Variants in OTUD7A observed in about 807,000 individuals in gnomAD.
OTUD7A encodes OTU deubiquitinase 7A, also known as OTU domain-containing protein 7A.
A neutral mutation model predicts 65.7 loss-of-function variants in OTUD7A; 12 were observed. That is an observed-to-expected ratio of 0.18 (90% CI 0.12 to 0.30). The LOEUF is 0.30. Among genes scored for constraint, OTUD7A ranks in the 10% least tolerant of loss-of-function variants. The pLI is 1.00. For missense variants in OTUD7A, 1,148 were observed against 1,304.8 expected (o/e 0.88, Z 1.85); for synonymous variants, 641 against 586.3 (o/e 1.09, Z -1.35).
intron 1 of OTUD7A, among the ~76,000 whole-genome samples, chr15:31,775,049 C>G (rs1454047938): frequency 1.3e-5 from 2 of 151,440 alleles, no homozygotes; most frequent in Non-Finnish European, 2.9e-5. Flanking sequence ...TCTCCTCTGA[C>G]CTATGCATGC....
At chr15:31,672,568 A>C (rs577381626) in intron 1 of OTUD7A, among the ~76,000 whole-genome samples, 1 of 152,274 alleles carries the variant, frequency 6.6e-6, no homozygotes, top group South Asian at 2.1e-4. Context: ...GTTTAGTTCC[A>C]CTTTACTAAA....
chr15:31,786,152 C>T lies in OTUD7A; in HGVS notation c.-100+84355G>A, dbSNP rs1391854624. Among the ~76,000 whole-genome samples the T allele has an allele frequency of 2.0e-5, 3 of 152,126 alleles. No individual in the cohort carries two copies. In the East Asian group the frequency reaches 5.8e-4, roughly 29 times the overall value. ...GCAGAGTCCCCACCAGCAAGAAGGGCCTCACCAGATGCAGCTCTTCAACCT... is the reference window on the plus strand; with the variant it reads ...GCAGAGTCCCCACCAGCAAGAAGGGTCTCACCAGATGCAGCTCTTCAACCT... On this transcript the variant is annotated intron_variant, in intron 1 of 12. Coordinates refer to ENST00000307050, the MANE Select transcript of OTUD7A (RefSeq NM_001382637.1).
At chr15:31,497,781 C>T (rs1483600556) in intron 10 of OTUD7A, among the ~76,000 whole-genome samples, 3 of 152,186 alleles carry the variant, frequency 2.0e-5, no homozygotes, top group South Asian at 2.1e-4. Context: ...CATCCACCCT[C>T]CCAACCCTTC....
intron 3 of OTUD7A, among the ~76,000 whole-genome samples, chr15:31,600,328 A>G (rs1890036808): frequency 6.7e-6 from 1 of 149,916 alleles, no homozygotes; most frequent in African/African-American, 2.4e-5. Context: ...ACCCTACTCA[A>G]CACAACCCAG....
chr15:31,650,999 G>A (rs1488415516), intron 3 of OTUD7A, among the ~76,000 whole-genome samples: 1 of 147,324 alleles, frequency 6.8e-6, no homozygotes, highest in Non-Finnish European at 1.5e-5. Flanking sequence ...GAAGTAGTCA[G>A]TCAGTTCATA....
intron 1 of OTUD7A, among the ~76,000 whole-genome samples, chr15:31,779,415 C>T (rs1895477218): frequency 6.6e-6 from 1 of 152,236 alleles, no homozygotes; most frequent in African/African-American, 2.4e-5. Flanking sequence ...GGAGACACCT[C>T]TGTTTCTCAC....
At chr15:31,694,534 C>A (rs1300370246) in intron 1 of OTUD7A, among the ~76,000 whole-genome samples, 1 of 152,166 alleles carries the variant, frequency 6.6e-6, no homozygotes, top group African/African-American at 2.4e-5. Context: ...ACAATAGTTA[C>A]CATGTTATAA....
chr15:31,484,534 G>A lies in OTUD7A; in HGVS notation c.1562C>T (p.Ala521Val). ...EKDKTRADSV[A>V]NKLGSFSKTL... Reference sequence around the variant, plus strand: ...CTTGCTGAAGCTGCCCAGCTTGTTGGCCACGGAGTCGGCGCGCGTCTTGTC... The same window carrying A: ...CTTGCTGAAGCTGCCCAGCTTGTTGACCACGGAGTCGGCGCGCGTCTTGTC... The change falls in exon 13 of 13, where the codon GCC becomes GTC. Residue 521 changes from alanine (A) to valine (V), a missense_variant. Ala to Val is a moderately conservative substitution (Grantham distance 64). This residue lies in a region of OTUD7A where 842 missense variants were observed against 769.5 expected (regional missense o/e 1.09). Coordinates refer to ENST00000307050, the MANE Select transcript of OTUD7A (RefSeq NM_001382637.1). The surrounding 1 kb of genome is among the most constrained non-coding windows in gnomAD (Gnocchi z 4.5). 6.2e-7 allele frequency: 1 copy of A among 1,611,034 alleles called. No homozygotes were observed. Among genetic ancestry groups the A allele is most frequent in the Non-Finnish European group, 8.5e-7 (1 of 1,179,986 alleles).
intron 3 of OTUD7A, among the ~76,000 whole-genome samples, chr15:31,618,711 C>T (rs1472496157): frequency 6.6e-6 from 1 of 151,992 alleles, no homozygotes; most frequent in African/African-American, 2.4e-5. Context: ...AAAATTTTCT[C>T]CCAATCTGTA....
chr15:31,689,466 A>G (rs1892914373), intron 1 of OTUD7A: 1 of 144,740 alleles, frequency 6.9e-6, no homozygotes, highest in South Asian at 2.5e-4. Flanking sequence ...AGGTGAGACC[A>G]CAGCGCCTGA....
At chr15:31,625,244 G>A (rs1192457128) in intron 3 of OTUD7A, among the ~76,000 whole-genome samples, 1 of 152,164 alleles carries the variant, frequency 6.6e-6, no homozygotes, top group Non-Finnish European at 1.5e-5. Flanking sequence ...GTAGCCTCGA[G>A]AAGGACCCTG....
chr15:31,814,895 A>G (rs879384286), intron 1 of OTUD7A, among the ~76,000 whole-genome samples: 4 of 152,206 alleles, frequency 2.6e-5, no homozygotes, highest in Non-Finnish European at 4.4e-5. Context: ...AATCTATGCA[A>G]TATGGGCCAA....
At chr15:31,843,362 A>G (rs1006013974) in intron 1 of OTUD7A, among the ~76,000 whole-genome samples, 2 of 151,428 alleles carry the variant, frequency 1.3e-5, no homozygotes, top group African/African-American at 4.8e-5. Context: ...CCAACCATTA[A>G]GCCTTAACAC....
At chr15:31,681,999 A>T (rs1426798827) in intron 1 of OTUD7A, among the ~76,000 whole-genome samples, 3 of 152,144 alleles carry the variant, frequency 2.0e-5, no homozygotes, top group African/African-American at 7.2e-5. Context: ...CCCATGCTAG[A>T]CTGGAGTGGA....
intron 1 of OTUD7A, among the ~76,000 whole-genome samples, chr15:31,676,561 C>T (rs534377452): frequency 5.3e-5 from 8 of 152,298 alleles, no homozygotes; most frequent in African/African-American, 1.9e-4. Context: ...TGATGTGATA[C>T]GAGAAGCTGT....
chr15:31,755,237 T>C (rs1237197113), intron 1 of OTUD7A, among the ~76,000 whole-genome samples: 2 of 152,014 alleles, frequency 1.3e-5, no homozygotes, highest in African/African-American at 4.8e-5. Flanking sequence ...ATTAATAATA[T>C]GTGGCATACA....
chr15:31,805,460 C>A (rs1896244593), intron 1 of OTUD7A, among the ~76,000 whole-genome samples: 1 of 152,202 alleles, frequency 6.6e-6, no homozygotes, highest in South Asian at 2.1e-4. Context: ...ACGCGTGAAC[C>A]CTCTCTTCTA....
At chr15:31,856,395 AG>A (rs1449787846) in intron 1 of OTUD7A, among the ~76,000 whole-genome samples, 1 of 152,190 alleles carries the variant, frequency 6.6e-6, no homozygotes, top group African/African-American at 2.4e-5. Flanking sequence ...TGCAAATATT[AG>A]ATTTTTTTTC....
chr15:31,726,689 T>C (rs1460510094), intron 1 of OTUD7A, among the ~76,000 whole-genome samples: 2 of 152,194 alleles, frequency 1.3e-5, no homozygotes. Flanking sequence ...ACTTCAGTCA[T>C]CAGTAACTTC....
Sources: gnomAD v4.1 joint callset for allele counts (sites outside exome capture counted in the v4.1 genomes callset) on GRCh38, gnomAD v4.1.1 for gene constraint, gnomAD v4.1.1 regional missense constraint, Gnocchi (gnomAD v3.1) non-coding constraint, MANE v1.5 for transcripts, NCBI Gene and HGNC (gene_info 2026-07-23, HGNC 2026-07-21) for gene names.